BCOR: variants seen among roughly 807,000 people sequenced by gnomAD.
The protein encoded by BCOR is BCL-6 corepressor.
Under a neutral mutation model 86.7 loss-of-function variants are expected in BCOR, and 10 were observed. The observed-to-expected ratio is 0.12, with a 90% CI of 0.07 to 0.20. The LOEUF (loss-of-function observed/expected upper bound fraction) is 0.20, where lower values mean the gene tolerates loss of function less well. Among genes scored for constraint, BCOR ranks in the 10% least tolerant of loss-of-function variants. The pLI is 1.00. For missense variants in BCOR, 1,259 were observed against 1,452.1 expected (o/e 0.87, Z 2.16); for synonymous variants, 611 against 609.0 (o/e 1.00, Z -0.05).
chrX:40,137,126 T>G (rs1937697087), intron 1 of BCOR, among the ~76,000 whole-genome samples: 1 of 112,912 alleles, frequency 8.9e-6, no homozygotes, highest in Non-Finnish European at 1.9e-5. Flanking sequence ...TTTGACTCTC[T>G]GGCATTGTGC....
chrX:40,096,237 G>T (rs942813652), intron 1 of BCOR, among the ~76,000 whole-genome samples: 1 of 111,676 alleles, frequency 9.0e-6, no homozygotes, highest in South Asian at 3.7e-4. Flanking sequence ...GCCCATCAGG[G>T]CTACCCACCA....
At chrX:40,124,696 G>A (rs1270807666) in intron 1 of BCOR, among the ~76,000 whole-genome samples, 6 of 110,386 alleles carry the variant, frequency 5.4e-5, no homozygotes, top group Admixed American at 2.9e-4. Flanking sequence ...TTGACCTCCC[G>A]GGCTCAACCA....
At chrX:40,172,888 TGTCCCCA>T (rs1399836129) in intron 1 of BCOR, among the ~76,000 whole-genome samples, 2 of 112,835 alleles carry the variant, frequency 1.8e-5, no homozygotes, top group South Asian at 3.6e-4. Context: ...GGCAATCGGC[TGTCCCCA>T]GTCCCCAGTC....
intron 1 of BCOR, among the ~76,000 whole-genome samples, chrX:40,121,030 T>A (rs1937477337): frequency 1.8e-5 from 2 of 111,303 alleles, no homozygotes; most frequent in African/African-American, 6.5e-5. Context: ...GGTAGGAGAC[T>A]GCCTGCTGTG....
At chrX:40,117,946 T>C (rs959903953) in intron 1 of BCOR, among the ~76,000 whole-genome samples, 17 of 105,036 alleles carry the variant, frequency 1.6e-4, no homozygotes, top group African/African-American at 6.1e-4. Context: ...GGAAGTATAC[T>C]ATGCTCGCAC....
chrX:40,156,362 G>A (rs1289750790), intron 1 of BCOR, among the ~76,000 whole-genome samples: 1 of 111,691 alleles, frequency 9.0e-6, no homozygotes, highest in Non-Finnish European at 1.9e-5. Context: ...CGCGCGGCCG[G>A]GTTTTTTCGG....
At chrX:40,061,609 A>G (rs1280008561) in intron 10 of BCOR, among the ~76,000 whole-genome samples, 1 of 107,483 alleles carries the variant, frequency 9.3e-6, no homozygotes, top group Non-Finnish European at 1.9e-5. Flanking sequence ...CTCCCTCCAG[A>G]GCCCTCAGCC....
chrX:40,083,081 G>A (rs1936178417), intron 1 of BCOR, among the ~76,000 whole-genome samples: 1 of 109,563 alleles, frequency 9.1e-6, no homozygotes, highest in Non-Finnish European at 1.9e-5. Context: ...GGAAGGGAGG[G>A]GTGAAGAAGT....
chrX:40,055,962 T>C (rs769588991), intron 11 of BCOR, among the ~76,000 whole-genome samples: 11 of 109,316 alleles, frequency 1.0e-4, no homozygotes, highest in African/African-American at 3.7e-4. Flanking sequence ...GCTGGGACTA[T>C]AGGCGCATGC....
chrX:40,172,944 G>A (rs1321885492), intron 1 of BCOR, among the ~76,000 whole-genome samples: 1 of 113,001 alleles, frequency 8.8e-6, no homozygotes, highest in Non-Finnish European at 1.9e-5. Flanking sequence ...TATGCAGCTA[G>A]GTGGGCCAGG....
At chrX:40,119,863 G>A (rs1201328532) in intron 1 of BCOR, among the ~76,000 whole-genome samples, 2 of 110,991 alleles carry the variant, frequency 1.8e-5, no homozygotes, top group African/African-American at 3.3e-5. Flanking sequence ...AAACCAGGGA[G>A]GAATCAGTTT....
intron 9 of BCOR, 124 bp from the exon 10 acceptor site, chrX:40,062,517 TGGGGGTG>T: frequency 2.7e-6 from 2 of 727,332 alleles, no homozygotes; most frequent in East Asian, 4.9e-5. Context: ...TATCTTTTTT[TGGGGGTG>T]GGGGGTGCCT....
chrX:40,169,841 C>A (rs1366410645), intron 1 of BCOR, among the ~76,000 whole-genome samples: 1 of 109,098 alleles, frequency 9.2e-6, no homozygotes, highest in Non-Finnish European at 1.9e-5. Flanking sequence ...CGGCGCTGCA[C>A]GGGGGGCAAT....
At chrX:40,156,746 G>A (rs1372335518) in intron 1 of BCOR, among the ~76,000 whole-genome samples, 3 of 103,258 alleles carry the variant, frequency 2.9e-5, no homozygotes, top group African/African-American at 1.1e-4. Context: ...GCGCCCCGGG[G>A]CCCCCCGCCG....
chrX:40,097,991 C>A (rs1304356583), upstream of BCOR, among the ~76,000 whole-genome samples: 1 of 107,906 alleles, frequency 9.3e-6, no homozygotes, highest in Admixed American at 9.5e-5. Flanking sequence ...ACGCGTCCCC[C>A]CTCCCTGGTT....
rs576246224 is a variant in BCOR, at chrX:40,074,569, C to G, written c.777G>C (p.Ser259=). 8.3e-7 allele frequency: 1 copy of G among 1,211,250 alleles called. No homozygotes were observed. Among genetic ancestry groups the G allele is most frequent in the Non-Finnish European group, 1.1e-6 (1 of 895,160 alleles). Residue 259 remains serine, a synonymous_variant, in exon 4 of 15, where the codon TCG becomes TCC. Transcript: ENST00000378444. ...AGAGCCTCATGGGTGATGCCAAGGA[C>G]GATGGGATGTGGGGACCGACGTAGT... is the stretch of plus-strand genomic sequence containing the variant. ...PPHYVGPHIP[S]SLASPMRLST...
At chrX:40,140,387 C>T (rs1043285070) in intron 1 of BCOR, among the ~76,000 whole-genome samples, 1 of 110,630 alleles carries the variant, frequency 9.0e-6, no homozygotes, top group Non-Finnish European at 1.9e-5. Flanking sequence ...GCACTTGAGC[C>T]TGGGAGGTCG....
intron 1 of BCOR, among the ~76,000 whole-genome samples, chrX:40,093,139 T>C (rs1033201808): frequency 1.1e-4 from 12 of 112,622 alleles, no homozygotes; most frequent in African/African-American, 3.9e-4. Context: ...TACATCTCTG[T>C]ATTTGCATAC....
intron 1 of BCOR, among the ~76,000 whole-genome samples, chrX:40,122,428 T>C (rs774119119): frequency 1.3e-3 from 142 of 111,993 alleles, no homozygotes; most frequent in Non-Finnish European, 2.1e-3. Flanking sequence ...GCACTTGGTG[T>C]CTCGGAGACT....
Sources: allele counts gnomAD v4.1 joint callset (sites outside exome capture counted in the v4.1 genomes callset), GRCh38; gene constraint gnomAD v4.1.1; transcripts MANE v1.5; gene names NCBI Gene and HGNC (gene_info 2026-07-23, HGNC 2026-07-21).